The following CYP11A1 variants were observed in gnomAD, a reference collection of about 807,000 sequenced individuals.
The protein encoded by CYP11A1 is cytochrome P450 family 11 subfamily A member 1.
A neutral mutation model predicts 51.9 loss-of-function variants in CYP11A1; 25 were observed. That is an observed-to-expected ratio of 0.48 (90% CI 0.35 to 0.67). CYP11A1 has a LOEUF of 0.67. Among genes scored for constraint, CYP11A1 ranks in the 30% least tolerant of loss-of-function variants. The pLI, the probability that CYP11A1 is intolerant of heterozygous loss-of-function variation, is 0.00. For missense variants in CYP11A1, 578 were observed against 680.9 expected (o/e 0.85, Z 1.68); for synonymous variants, 245 against 262.1 (o/e 0.93, Z 0.63).
intron 1 of CYP11A1, among the ~76,000 whole-genome samples, chr15:74,349,539 A>G (rs1002925632): frequency 6.6e-6 from 1 of 152,116 alleles, no homozygotes. Flanking sequence ...GTGTCTTTGC[A>G]CTAACTAGCT....
chr15:74,339,769 G>A lies in CYP11A1; in HGVS notation c.991-16C>T. ...TCATGGACGTCTGGTGGGGAGTAGG[G>A]TATACAGAAGACCAGGAGGGCCTGT... On this transcript the variant is annotated splice_polypyrimidine_tract_variant and intron_variant, in intron 5 of 8. Transcript: ENST00000268053. 1 of 1,613,838 alleles carries A rather than the reference G, an allele frequency of 6.2e-7. No individual in the cohort carries two copies. The highest frequency in any genetic ancestry group is 8.5e-7 in the Non-Finnish European group (1 of 1,179,942).
chr15:74,343,514 C>T (rs991814333), intron 4 of CYP11A1, among the ~76,000 whole-genome samples: 1 of 152,230 alleles, frequency 6.6e-6, no homozygotes, highest in Admixed American at 6.5e-5. Flanking sequence ...GTGGCTCAGA[C>T]ACTGGTCCTT....
intron 5 of CYP11A1, among the ~76,000 whole-genome samples, chr15:74,341,134 C>T (rs541833215): frequency 6.6e-6 from 1 of 152,092 alleles, no homozygotes; most frequent in Non-Finnish European, 1.5e-5. Context: ...CTTTCCTCAT[C>T]TGAAAAAGGG....
chr15:74,343,768 C>T, intron 4 of CYP11A1, 21 bp downstream of exon 4: 1 of 1,606,174 alleles, frequency 6.2e-7, no homozygotes, highest in Non-Finnish European at 8.5e-7. Context: ...AGGAGGAGAG[C>T]ACAGCCAGAG....
intron 1 of CYP11A1, among the ~76,000 whole-genome samples, chr15:74,359,894 C>T (rs2060699364): frequency 6.6e-6 from 1 of 152,166 alleles, no homozygotes; most frequent in Non-Finnish European, 1.5e-5. Flanking sequence ...AAGTAGAAGT[C>T]ACGTATATCT....
rs974871680 is a variant in CYP11A1 at position 74,343,009 on chromosome 15, C to T, written c.958G>A (p.Val320Ile). The T allele has an allele frequency of 5.0e-6, 8 of 1,612,626 alleles. No individual in the cohort carries two copies. The highest frequency in any genetic ancestry group is 5.9e-6 in the Non-Finnish European group (7 of 1,180,046). The change falls in exon 5 of 9, where the codon GTC becomes ATC. Residue 320 changes from valine to isoleucine, a missense_variant. Val to Ile is a conservative substitution (Grantham distance 29). Transcript: ENST00000268053. Reference sequence around the variant, plus strand: ...ACCCCTCCTGCCAGCATCTCTGTGACGTTGGCCTTGATGTCCTCGAAGGAC... The same window carrying T: ...ACCCCTCCTGCCAGCATCTCTGTGATGTTGGCCTTGATGTCCTCGAAGGAC... ...KMSFEDIKAN[V>I]TEMLAGGVDT...
chr15:74,347,505 C>A (rs1235043416), intron 2 of CYP11A1, among the ~76,000 whole-genome samples: 1 of 152,194 alleles, frequency 6.6e-6, no homozygotes, highest in Non-Finnish European at 1.5e-5. Flanking sequence ...GTCTCACTGC[C>A]CCTTTAGCCT....
chr15:74,339,611 T>C lies in CYP11A1; in HGVS notation c.1133A>G (p.Lys378Arg), dbSNP rs201930933. The C allele has an allele frequency of 1.2e-6, 2 of 1,614,096 alleles. No homozygotes were observed. Among genetic ancestry groups the C allele is most frequent in the East Asian group, 4.5e-5 (2 of 44,880 alleles). Residue 378 changes from lysine (K) to arginine (R), a missense_variant, in exon 6 of 9, where the codon AAA becomes AGA. Physicochemically the swap from Lys to Arg is conservative, Grantham distance 26 (BLOSUM62 2). Coordinates refer to ENST00000268053, the MANE Select transcript of CYP11A1 (RefSeq NM_000781.3). ...CCTTAGTGTCTCCTTGATGCTGGCT[T>C]TGAGGAGGGGGACCAGCTGTAGCAT... Reference protein sequence around the residue: ...ATMLQLVPLLKASIKETLRLH... With the variant: ...ATMLQLVPLLRASIKETLRLH...
intron 2 of CYP11A1, among the ~76,000 whole-genome samples, chr15:74,346,055 C>A (rs2060631270): frequency 6.6e-6 from 1 of 152,156 alleles, no homozygotes; most frequent in South Asian, 2.1e-4. Flanking sequence ...TGTTTAACTT[C>A]TTTTAAAAAG....
intron 1 of CYP11A1, 101 bp downstream of exon 1, chr15:74,367,216 G>T: frequency 3.1e-6 from 4 of 1,274,064 alleles, no homozygotes; most frequent in Non-Finnish European, 4.5e-6. Context: ...CAGGAGTTTG[G>T]AACCAGAGAA....
At chr15:74,347,810 C>T in intron 2 of CYP11A1, 90 bp downstream of exon 2, 2 of 1,429,300 alleles carry the variant, frequency 1.4e-6, no homozygotes, top group Admixed American at 1.8e-5. Context: ...ACAGGGCAAG[C>T]CTGGCCTCAG....
chr15:74,363,936 A>G (rs1250814419), intron 1 of CYP11A1: 4 of 152,256 alleles, frequency 2.6e-5, no homozygotes, highest in Non-Finnish European at 5.9e-5. Flanking sequence ...AAACCAAACA[A>G]AACCAAAATG....
chr15:74,365,640 C>G, intron 1 of CYP11A1: 1 of 978,984 alleles, frequency 1.0e-6, no homozygotes, highest in South Asian at 4.7e-5. Flanking sequence ...AATACTTTCC[C>G]TTTTACCCAC....
chr15:74,367,632 T>G lies in CYP11A1; in HGVS notation c.-47A>C, dbSNP rs748965536. 1 of 1,601,050 alleles carries G rather than the reference T, an allele frequency of 6.2e-7. No individual in the cohort carries two copies. The highest frequency in any genetic ancestry group is 1.1e-5 in the South Asian group (1 of 89,474). ...GTACCTGCTCCACTTCAGCGGGGAC[T>G]GCTAGGATGACTGTAGCCCTGGGCC... On this transcript the variant is annotated 5_prime_UTR_variant, in exon 1 of 9. Transcript: ENST00000268053.
At chr15:74,339,160 C>A in intron 7 of CYP11A1, 77 bp downstream of exon 7, 2 of 1,280,156 alleles carry the variant, frequency 1.6e-6, no homozygotes, top group East Asian at 4.6e-5. Context: ...GGCCCCAGTG[C>A]CACCCTCTGT....
At chr15:74,348,543 A>T (rs1217730307) in intron 1 of CYP11A1, among the ~76,000 whole-genome samples, 1 of 152,190 alleles carries the variant, frequency 6.6e-6, no homozygotes, top group African/African-American at 2.4e-5. Flanking sequence ...TTCCAGGCCA[A>T]ATCCCTGTCA....
At chr15:74,361,405 C>T (rs577740895) in intron 1 of CYP11A1, 20 of 304,392 alleles carry the variant, frequency 6.6e-5, no homozygotes, top group East Asian at 1.5e-4. Flanking sequence ...TACTAACCCA[C>T]GTAAAACAAC....
chr15:74,360,854 G>C (rs2060705141), intron 1 of CYP11A1, among the ~76,000 whole-genome samples: 1 of 152,130 alleles, frequency 6.6e-6, no homozygotes, highest in South Asian at 2.1e-4. Flanking sequence ...AGTGAGCCGA[G>C]ATCATGCCAT....
At chr15:74,354,920 C>T (rs547170318) in intron 1 of CYP11A1, among the ~76,000 whole-genome samples, 1 of 152,270 alleles carries the variant, frequency 6.6e-6, no homozygotes, top group Admixed American at 6.5e-5. Context: ...GGGATGCCTG[C>T]TTGATTATTC....
Sources: allele counts gnomAD v4.1 joint callset (sites outside exome capture counted in the v4.1 genomes callset), GRCh38; gene constraint gnomAD v4.1.1; transcripts MANE v1.5; gene names NCBI Gene and HGNC (gene_info 2026-07-23, HGNC 2026-07-21).